CARD10: variants seen among roughly 807,000 people sequenced by gnomAD.
The protein encoded by CARD10 is caspase recruitment domain-containing protein 10.
CARD10 carries 49 observed loss-of-function variants against 114.6 expected under a neutral mutation model. The ratio of observed to expected loss-of-function variants is 0.43; its 90% CI spans 0.34 to 0.54. The LOEUF is 0.54. Among genes scored for constraint, CARD10 ranks in the 20% least tolerant of loss-of-function variants. CARD10 has a pLI of 0.03. For missense variants in CARD10, 1,206 were observed against 1,397.2 expected, an observed-to-expected ratio of 0.86 and a Z score of 2.18; for synonymous variants, 602 against 593.2, an observed-to-expected ratio of 1.01 and a Z score of -0.21.
chr22:37,514,103 CAA>C (rs5845349), intron 3 of CARD10, among the ~76,000 whole-genome samples: 28,898 of 133,160 alleles, frequency 0.22, 3,574 homozygotes, highest in African/African-American at 0.36. Context: ...GACTCCATCT[CAA>C]AAAAAAAAAA....
chr22:37,493,246 G>T (rs138387636), intron 16 of CARD10, among the ~76,000 whole-genome samples: 78 of 152,228 alleles, frequency 5.1e-4, no homozygotes, highest in South Asian at 1.7e-3. Context: ...CATGCCCTGG[G>T]GCTGCCCAAA....
intron 9 of CARD10, 171 bp downstream of exon 9, chr22:37,504,015 C>T (rs575211020): frequency 5.2e-5 from 37 of 716,990 alleles, no homozygotes; most frequent in Middle Eastern, 4.6e-4. Flanking sequence ...TGACCTTGGT[C>T]GCCCCTGTGA....
intron 15 of CARD10, among the ~76,000 whole-genome samples, chr22:37,495,152 G>A (rs1253844536): frequency 6.6e-6 from 1 of 152,128 alleles, no homozygotes; most frequent in East Asian, 1.9e-4. Flanking sequence ...ATTTTCAGTA[G>A]AGACGGGGTT....
rs753293301 is a variant in CARD10 at position 37,492,830 on chromosome 22, A to G, written c.2477-28T>C. 5 of 1,602,444 alleles carry G rather than the reference A, an allele frequency of 3.1e-6. No individual in the cohort carries two copies. Among genetic ancestry groups the G allele is most frequent in the South Asian group, 1.1e-5 (1 of 90,656 alleles). On this transcript the variant is annotated intron_variant, in intron 16 of 19. Transcript: ENST00000251973. The surrounding 1 kb of genome is among the most constrained non-coding windows in gnomAD (Gnocchi z 5.7). ...GTGGCAGGGGAGGGGCGCAAAAGAG[A>G]TAAGGGCACAGGCAGGCAGCATACC...
At chr22:37,498,913 G>C (rs935890664) in intron 11 of CARD10, among the ~76,000 whole-genome samples, 2 of 133,468 alleles carry the variant, frequency 1.5e-5, no homozygotes, top group African/African-American at 2.7e-5. Context: ...GGTGGGGGGG[G>C]GGGGCACATG....
At chr22:37,515,740 T>C (rs893198009) in intron 3 of CARD10, among the ~76,000 whole-genome samples, 21 of 152,120 alleles carry the variant, frequency 1.4e-4, no homozygotes, top group African/African-American at 5.1e-4. Context: ...TCCCCACTAA[T>C]TGTGACAACC....
intron 8 of CARD10, 150 bp from the exon 9 acceptor site, chr22:37,504,451 C>T: frequency 8.6e-7 from 1 of 1,165,660 alleles, no homozygotes; most frequent in Non-Finnish European, 1.2e-6. Flanking sequence ...CGGGTGGCTC[C>T]CCACGCCTCC....
rs1005552538 is a variant in CARD10 at position 37,494,299 on chromosome 22, G to C, written c.2374-111C>G. ...GGGCCCCACTGCCACTGTGGTCCAG[G>C]CTTGCCAGAAGAGCCTGGGTCAGCA... On this transcript the variant is annotated intron_variant, in intron 15 of 19. Coordinates refer to ENST00000251973, the MANE Select transcript of CARD10 (RefSeq NM_014550.4). 9.9e-6 allele frequency: 7 copies of C among 706,458 alleles called. No homozygotes were observed. The African/African-American group carries it at 1.3e-4, about 13-fold the overall frequency. The allele number at this position is 706,458 out of a possible 1,614,324, so 43.8% of individuals were successfully genotyped here. A position where few individuals can be genotyped will look rare whatever the true frequency, so the allele number is the denominator to read the frequency against.
Position 37,501,877 on chromosome 22 carries a change from T to C in CARD10, c.1787+725A>G, listed in dbSNP as rs557338588. On this transcript the variant is annotated intron_variant, in intron 11 of 19. Coordinates refer to ENST00000251973, the MANE Select transcript of CARD10 (RefSeq NM_014550.4). This position sits in a 1 kb window ranked among gnomAD's most constrained non-coding sequence, Gnocchi z 5.4. The stretch of plus-strand genomic sequence containing the variant: ...AGCCAAAGTCCACACTTTCCCAGCC[T>C]GACTCAGGAAGCCTTGACTTTCGCC... 1.5e-3 allele frequency among the ~76,000 whole-genome samples: 226 copies of C among 152,318 alleles called. 1 individual carries two copies. Among genetic ancestry groups the C allele is most frequent in the African/African-American group, 5.3e-3 (221 of 41,570 alleles).
Position 37,496,556 on chromosome 22 carries a change from C to G in CARD10, c.1952G>C (p.Arg651Thr), listed in dbSNP as rs1383386416. 17 of 1,611,670 alleles carry G rather than the reference C, an allele frequency of 1.1e-5. No homozygotes were observed. The highest frequency in any genetic ancestry group is 1.4e-5 in the Non-Finnish European group (16 of 1,178,494). ...CCCCTCCAGACCAGCAGCTTCCACC[C>G]TTTGCTGGGAGAAAACCCAGGCAGG... is the stretch of plus-strand genomic sequence containing the variant. ...GSARMEPREQ[R>T]VEAAGLEGAC... Residue 651 changes from arginine (R) to threonine (T), a missense_variant, in exon 13 of 20, where the codon AGG becomes ACG. Around this residue, in one of 2 missense-constraint regions of CARD10, gnomAD observed 1,068 missense variants for 1,179.1 expected, o/e 0.91. Coordinates refer to ENST00000251973, the MANE Select transcript of CARD10 (RefSeq NM_014550.4). The surrounding 1 kb of genome is among the most constrained non-coding windows in gnomAD (Gnocchi z 4.1).
chr22:37,493,405 T>C (rs1306011720), intron 16 of CARD10, among the ~76,000 whole-genome samples: 1 of 152,170 alleles, frequency 6.6e-6, no homozygotes, highest in Non-Finnish European at 1.5e-5. Flanking sequence ...TCTCTCATTG[T>C]GTTCATAGGT....
Position 37,495,830 on chromosome 22 carries a change from A to G in CARD10, c.2233T>C (p.Trp745Arg). Residue 745 changes from tryptophan to arginine, a missense_variant, in exon 14 of 20, where the codon TGG becomes CGG. Around this residue, in one of 2 missense-constraint regions of CARD10, gnomAD observed 1,068 missense variants for 1,179.1 expected, o/e 0.91. Transcript: ENST00000251973. Reference protein sequence around the residue: ...VDSAYKRRQEWFCTRVDPLTL... With the variant: ...VDSAYKRRQERFCTRVDPLTL... ...AGGGGGTCAACCCGGGTGCAGAACCATTCCTGCCTCCGCTTGTATGCCGAG... is the reference window on the plus strand; with the variant it reads ...AGGGGGTCAACCCGGGTGCAGAACCGTTCCTGCCTCCGCTTGTATGCCGAG... 1 of 1,614,054 alleles carries G rather than the reference A, an allele frequency of 6.2e-7. No homozygotes were observed. Among genetic ancestry groups the G allele is most frequent in the African/African-American group, 1.3e-5 (1 of 75,058 alleles).
chr22:37,493,212 C>G (rs1922870586), intron 16 of CARD10, among the ~76,000 whole-genome samples: 1 of 152,196 alleles, frequency 6.6e-6, no homozygotes, highest in Admixed American at 6.5e-5. Context: ...CTCCCTTCAG[C>G]TGCGTCCAAC....
chr22:37,508,745 G>A, intron 4 of CARD10, 63 bp from the exon 5 acceptor site: 1 of 1,477,078 alleles, frequency 6.8e-7, no homozygotes, highest in Non-Finnish European at 9.0e-7. Context: ...GGTGTGGGAA[G>A]GAAGGGGACA....
At chr22:37,491,929 T>G in intron 18 of CARD10, 62 bp from the exon 19 acceptor site, 1 of 1,142,780 alleles carries the variant, frequency 8.8e-7, no homozygotes, top group Non-Finnish European at 1.3e-6. Context: ...TCCCATGCGC[T>G]GCCCCCAGAC....
At chr22:37,510,159 C>T in intron 4 of CARD10, 53 bp downstream of exon 4, 4 of 1,514,172 alleles carry the variant, frequency 2.6e-6, no homozygotes, top group East Asian at 2.3e-5. Flanking sequence ...GTACCTGCTG[C>T]AGGCCCTCCT....
At chr22:37,508,443 A>G (rs903697060) in intron 5 of CARD10, 84 bp downstream of exon 5, 99 of 1,379,112 alleles carry the variant, frequency 7.2e-5, no homozygotes, top group Non-Finnish European at 8.5e-5. Flanking sequence ...GCCTGCGTCA[A>G]GCAGATGCTC....
At chr22:37,499,504 C>T (rs1379828465) in intron 11 of CARD10, among the ~76,000 whole-genome samples, 1 of 151,884 alleles carries the variant, frequency 6.6e-6, no homozygotes, top group Non-Finnish European at 1.5e-5. Context: ...CAACCCTACC[C>T]ACCCCACCCA....
chr22:37,506,398 G>A lies in CARD10; in HGVS notation c.1192-15C>T, dbSNP rs1206080680. The A allele has an allele frequency of 5.9e-6, 9 of 1,529,402 alleles. No individual in the cohort carries two copies. In the South Asian group the frequency reaches 1.1e-4, roughly 19 times the overall value. 94.7% of individuals were successfully genotyped at this position (1,529,402 alleles called of 1,614,324 possible). On this transcript the variant is annotated splice_polypyrimidine_tract_variant and intron_variant, in intron 6 of 19. Transcript: ENST00000251973. Reference sequence around the variant, plus strand: ...CTCTGGATGGCCTAGGGTTGGGGGAGGGGAGGCAGCAGCTGAAGGAGCCAC... The same window carrying A: ...CTCTGGATGGCCTAGGGTTGGGGGAAGGGAGGCAGCAGCTGAAGGAGCCAC...
Sources: allele counts gnomAD v4.1 joint callset (sites outside exome capture counted in the v4.1 genomes callset), GRCh38; gene constraint gnomAD v4.1.1; regional missense constraint gnomAD v4.1.1; non-coding constraint Gnocchi (gnomAD v3.1); transcripts MANE v1.5; gene names NCBI Gene and HGNC (gene_info 2026-07-23, HGNC 2026-07-21).